Variants in TRAPPC8 observed in about 807,000 individuals in gnomAD.
The protein encoded by TRAPPC8 is general sporulation gene 1 homolog.
A neutral mutation model predicts 174.3 loss-of-function variants in TRAPPC8; 54 were observed. That is an observed-to-expected ratio of 0.31 (90% CI 0.25 to 0.39). TRAPPC8 has a LOEUF of 0.39. Among genes scored for constraint, TRAPPC8 ranks in the 10% least tolerant of loss-of-function variants. The pLI, the probability that TRAPPC8 is intolerant of heterozygous loss-of-function variation, is 1.00. For missense variants in TRAPPC8, 1,531 were observed against 1,699.1 expected, an observed-to-expected ratio of 0.90 and a Z score of 1.74; for synonymous variants, 630 against 579.9, an observed-to-expected ratio of 1.09 and a Z score of -1.24.
At chr18:31,865,109 CAATTT>C (rs1165898326) in intron 18 of TRAPPC8, among the ~76,000 whole-genome samples, 2 of 151,970 alleles carry the variant, frequency 1.3e-5, no homozygotes, top group African/African-American at 2.4e-5. Context: ...TTAGGTCCAA[CAATTT>C]AATTTAGGCC....
At position 31,871,030 on chromosome 18, in the gene TRAPPC8, A is replaced by G; in HGVS notation, c.2153T>C (p.Val718Ala). Residue 718 changes from valine to alanine, a missense_variant, in exon 15 of 29, where the codon GTT (valine) becomes GCT (alanine). By Grantham distance (64) the Val-to-Ala change is moderately conservative (BLOSUM62 0). Transcript: ENST00000283351. ...AATTACTCCTTTGTTAACCACAGAAACAACTTGTTCCTCAAGTTCTCGCCA... is the reference window on the plus strand; with the variant it reads ...AATTACTCCTTTGTTAACCACAGAAGCAACTTGTTCCTCAAGTTCTCGCCA... The part of the protein sequence containing the change: ...QQWRELEEQV[V>A]SVVNKGVIPS... 1.2e-6 allele frequency: 2 copies of G among 1,611,664 alleles called. No individual in the cohort carries two copies. Among genetic ancestry groups the G allele is most frequent in the Non-Finnish European group, 1.7e-6 (2 of 1,178,498 alleles).
rs536761281 is a variant in TRAPPC8 at position 31,890,809 on chromosome 18, T to C, written c.1654A>G (p.Met552Val). Reference sequence around the variant, plus strand: ...TATTTTCTAACCATGGGACTTTTCATGTTTATAAAGCAATGTGCTGCCTGT... The same window carrying C: ...TATTTTCTAACCATGGGACTTTTCACGTTTATAAAGCAATGTGCTGCCTGT... ...LEQAAHCFIN[M>V]KSPMVRKYAF... is the part of the protein sequence containing the mutation. Residue 552 changes from methionine to valine, a missense_variant, in exon 12 of 29, where the codon ATG (methionine) becomes GTG (valine). Met to Val is a conservative substitution (Grantham distance 21). Transcript: ENST00000283351. 27 of 1,612,790 alleles carry C rather than the reference T, an allele frequency of 1.7e-5. No homozygotes were observed. The highest frequency in any genetic ancestry group is 6.7e-5 in the African/African-American group (5 of 75,018).
chr18:31,903,110 G>A (rs113910861), intron 9 of TRAPPC8, among the ~76,000 whole-genome samples: 216 of 90,156 alleles, frequency 2.4e-3, no homozygotes, highest in African/African-American at 6.0e-3. Context: ...GATTGCGCGC[G>A]TGCGTGCGTG....
chr18:31,846,249 T>C (rs2033394788), intron 26 of TRAPPC8, among the ~76,000 whole-genome samples: 2 of 152,148 alleles, frequency 1.3e-5, no homozygotes, highest in Non-Finnish European at 2.9e-5. Flanking sequence ...CATTCTTCTG[T>C]CACCAACACC....
chr18:31,931,946 T>G (rs768817745), intron 1 of TRAPPC8, among the ~76,000 whole-genome samples: 4 of 152,192 alleles, frequency 2.6e-5, no homozygotes, highest in Non-Finnish European at 5.9e-5. Flanking sequence ...GGCTTCCTTC[T>G]TCTTTCCCTA....
chr18:31,873,443 T>G lies in TRAPPC8; in HGVS notation c.2049A>C (p.Arg683Ser), dbSNP rs146860500. 1 of 1,612,882 alleles carries G rather than the reference T, an allele frequency of 6.2e-7. No individual in the cohort carries two copies. The highest frequency in any genetic ancestry group is 2.2e-5 in the East Asian group (1 of 44,834). ...AACTTTACTAACCATCCGCTGGTCGTCTGTCATGGCCAAAAAAAACCCGTG... is the reference window on the plus strand; with the variant it reads ...AACTTTACTAACCATCCGCTGGTCGGCTGTCATGGCCAAAAAAAACCCGTG... ...SATRVFFGHD[R>S]RPADGEKQAA... Residue 683 changes from arginine (R) to serine (S), a missense_variant, in exon 14 of 29, where the codon AGA becomes AGC. Coordinates refer to ENST00000283351, the MANE Select transcript of TRAPPC8 (RefSeq NM_014939.5).
At chr18:31,933,215 G>T (rs934310556) in intron 1 of TRAPPC8, among the ~76,000 whole-genome samples, 2 of 150,448 alleles carry the variant, frequency 1.3e-5, no homozygotes, top group East Asian at 2.0e-4. Flanking sequence ...GCAGGAGAAT[G>T]GTGTGAACCC....
At chr18:31,854,960 C>A (rs2033918583) in intron 21 of TRAPPC8, among the ~76,000 whole-genome samples, 1 of 84,850 alleles carries the variant, frequency 1.2e-5, no homozygotes, top group South Asian at 3.9e-4. Flanking sequence ...AGCAAGACTC[C>A]ATCTCAAAAA....
intron 1 of TRAPPC8, among the ~76,000 whole-genome samples, chr18:31,941,033 TAAAA>T (rs1280772987): frequency 6.6e-6 from 1 of 152,176 alleles, no homozygotes; most frequent in East Asian, 1.9e-4. Flanking sequence ...CAATGAGGAC[TAAAA>T]AAGAAAAGTT....
intron 4 of TRAPPC8, among the ~76,000 whole-genome samples, chr18:31,915,270 G>C (rs576025221): frequency 6.7e-6 from 1 of 149,676 alleles, no homozygotes; most frequent in South Asian, 2.2e-4. Context: ...AGAGCAGCCT[G>C]GCCTACGTGG....
At chr18:31,912,830 T>C (rs540419887) in intron 5 of TRAPPC8, among the ~76,000 whole-genome samples, 7 of 152,256 alleles carry the variant, frequency 4.6e-5, no homozygotes, top group African/African-American at 1.7e-4. Context: ...CTTTTAATCT[T>C]TTAAGAAAGA....
At chr18:31,837,982 AAAAG>A (rs1469416370) in intron 27 of TRAPPC8, among the ~76,000 whole-genome samples, 2 of 151,418 alleles carry the variant, frequency 1.3e-5, no homozygotes, top group Non-Finnish European at 2.9e-5. Flanking sequence ...AAAAAAAAAA[AAAAG>A]AGAGACAGGG....
chr18:31,942,492 C>T lies in TRAPPC8; in HGVS notation c.157+116G>A, dbSNP rs778992686. On this transcript the variant is annotated intron_variant, in intron 1 of 28. Coordinates refer to ENST00000283351, the MANE Select transcript of TRAPPC8 (RefSeq NM_014939.5). ...ACCGCGGGGCCACAGCCCCAGACGC[C>T]ACGGTACCGGCTCCAGGACGTAAAC... The T allele has an allele frequency of 2.3e-5, 31 of 1,328,916 alleles. No homozygotes were observed. The South Asian group carries it at 3.0e-4, about 13-fold the overall frequency. The allele number at this position is 1,328,916 out of a possible 1,614,324, so 82.3% of individuals were successfully genotyped here.
intron 1 of TRAPPC8, among the ~76,000 whole-genome samples, chr18:31,934,009 G>A (rs142395500): frequency 0.018 from 2,703 of 152,048 alleles, 30 homozygotes; most frequent in Non-Finnish European, 0.028. Flanking sequence ...CCAACAAGGT[G>A]AAACCCCCAT....
At chr18:31,933,653 T>C (rs904197963) in intron 1 of TRAPPC8, among the ~76,000 whole-genome samples, 1 of 152,112 alleles carries the variant, frequency 6.6e-6, no homozygotes, top group Admixed American at 6.6e-5. Flanking sequence ...GGGAAAGTGG[T>C]CTGGGTACCT....
chr18:31,852,254 T>C (rs1262569323), intron 24 of TRAPPC8, among the ~76,000 whole-genome samples, 192 bp downstream of exon 24: 1 of 151,970 alleles, frequency 6.6e-6, no homozygotes, highest in Non-Finnish European at 1.5e-5. Flanking sequence ...GGGGGGAGGA[T>C]CACTTGATCC....
At chr18:31,916,555 CAA>C in intron 3 of TRAPPC8, 109 bp from the exon 4 acceptor site, 1 of 1,148,400 alleles carries the variant, frequency 8.7e-7, no homozygotes, top group South Asian at 1.7e-5. Flanking sequence ...GTTTCTGAGA[CAA>C]AGTCTCACTC....
intron 12 of TRAPPC8, among the ~76,000 whole-genome samples, chr18:31,876,510 A>AAAAAAAAAAAAAAAAAAAAC (rs2035160559): frequency 2.0e-5 from 3 of 148,632 alleles, no homozygotes; most frequent in Non-Finnish European, 3.0e-5. Context: ...AAAAAAAAAA[A>AAAAAAAAAAAAAAAAAAAAC]AAGATCACTT....
chr18:31,874,933 T>C (rs1432778153), intron 12 of TRAPPC8, among the ~76,000 whole-genome samples: 2 of 151,942 alleles, frequency 1.3e-5, no homozygotes, highest in African/African-American at 4.8e-5. Context: ...TAGATAGGAG[T>C]AGGGTACCTA....
Sources: gnomAD v4.1 joint callset for allele counts (sites outside exome capture counted in the v4.1 genomes callset) on GRCh38, gnomAD v4.1.1 for gene constraint, MANE v1.5 for transcripts, NCBI Gene and HGNC (gene_info 2026-07-23, HGNC 2026-07-21) for gene names.